SYNJ1: variants seen among roughly 807,000 people sequenced by gnomAD.
SYNJ1 encodes the protein polyphosphatidylinositol phosphatase SYNJ1.
SYNJ1 carries 78 observed loss-of-function variants against 168.2 expected under a neutral mutation model. The observed-to-expected ratio is 0.46, with a 90% confidence interval of 0.39 to 0.56. The LOEUF (loss-of-function observed/expected upper bound fraction) is 0.56. Among genes scored for constraint, SYNJ1 ranks in the 20% least tolerant of loss-of-function variants. The pLI is 0.00. For synonymous variants in SYNJ1, 539 were observed against 548.6 expected (o/e 0.98, Z 0.24); for missense variants, 1,303 against 1,597.6 (o/e 0.82, Z 3.14).
chr21:32,685,317 T>C (rs2041789995), intron 9 of SYNJ1, among the ~76,000 whole-genome samples: 2 of 150,402 alleles, frequency 1.3e-5, no homozygotes, highest in Admixed American at 6.7e-5. Flanking sequence ...ATGGGTGAGA[T>C]GGCTCATGCC....
intron 5 of SYNJ1, among the ~76,000 whole-genome samples, chr21:32,694,798 A>AT (rs1328321358): frequency 6.6e-6 from 1 of 152,204 alleles, no homozygotes; most frequent in Non-Finnish European, 1.5e-5. Context: ...TTTAAAATTC[A>AT]TTAAAATTCA....
intron 26 of SYNJ1, 146 bp from the exon 27 acceptor site, chr21:32,643,603 C>A: frequency 1.1e-5 from 9 of 792,002 alleles, no homozygotes; most frequent in Admixed American, 2.8e-5. Context: ...GATATCAATA[C>A]AAACCAAAGT....
intron 6 of SYNJ1, among the ~76,000 whole-genome samples, chr21:32,690,526 T>C (rs970050902): frequency 5.9e-5 from 9 of 152,296 alleles, no homozygotes; most frequent in Non-Finnish European, 8.8e-5. Context: ...AACAGAGCTA[T>C]TGCCAATCGT....
intron 6 of SYNJ1, among the ~76,000 whole-genome samples, chr21:32,692,954 C>T (rs1038125395): frequency 1.3e-5 from 2 of 152,072 alleles, no homozygotes; most frequent in African/African-American, 4.8e-5. Context: ...TCACTTGAGC[C>T]TGGGAGATCG....
chr21:32,640,547 G>A (rs1021233988), intron 29 of SYNJ1, among the ~76,000 whole-genome samples: 3 of 151,960 alleles, frequency 2.0e-5, no homozygotes, highest in African/African-American at 4.8e-5. Context: ...CACCCGCCTC[G>A]GCCTCCCAAA....
intron 13 of SYNJ1, among the ~76,000 whole-genome samples, chr21:32,676,018 C>G (rs1438969224): frequency 6.6e-6 from 1 of 152,062 alleles, no homozygotes; most frequent in Admixed American, 6.6e-5. Context: ...AAGAGTAAGG[C>G]ATAACACTAA....
Position 32,695,115 on chromosome 21 carries a change from A to T in SYNJ1, c.647T>A (p.Phe216Tyr). 6.2e-7 allele frequency: 1 copy of T among 1,614,152 alleles called. No homozygotes were observed. Among genetic ancestry groups the T allele is most frequent in the Non-Finnish European group, 8.5e-7 (1 of 1,180,022 alleles). ...RLSCERAGTR[F>Y]NVRGTNDDGH... ...ATCATCATTTGTTCCCCGGACATTA[A>T]ACCTGGTCCCAGCTCGTTCACAGCT... Residue 216 changes from phenylalanine to tyrosine, a missense_variant, in exon 5 of 33, where the codon TTT becomes TAT. By Grantham distance (22) the Phe-to-Tyr change is conservative. Coordinates refer to ENST00000674351, the MANE Select transcript of SYNJ1 (RefSeq NM_203446.3).
chr21:32,672,498 C>T (rs1447853323), intron 14 of SYNJ1, among the ~76,000 whole-genome samples: 2 of 152,010 alleles, frequency 1.3e-5, no homozygotes, highest in Admixed American at 6.6e-5. Flanking sequence ...CACCACCACA[C>T]CCGGCTAATT....
At chr21:32,727,812 C>A in intron 1 of SYNJ1, 134 bp downstream of exon 1, 1 of 1,456,484 alleles carries the variant, frequency 6.9e-7, no homozygotes, top group Admixed American at 2.4e-5. Flanking sequence ...CTCCCGCACC[C>A]CGGCTGCTCG....
intron 6 of SYNJ1, among the ~76,000 whole-genome samples, chr21:32,693,678 C>G (rs1431871657): frequency 1.3e-5 from 2 of 152,170 alleles, no homozygotes; most frequent in Non-Finnish European, 2.9e-5. Flanking sequence ...ATGGTGCTGA[C>G]TGGGGGCCAG....
intron 2 of SYNJ1, 31 bp downstream of exon 2, chr21:32,726,741 A>C (rs371736511): frequency 2.1e-5 from 34 of 1,611,714 alleles, no homozygotes; most frequent in Non-Finnish European, 2.6e-5. Flanking sequence ...AACAGAGACC[A>C]TGACAAATTG....
intron 4 of SYNJ1, among the ~76,000 whole-genome samples, chr21:32,699,532 AGT>A (rs770176475): frequency 1.3e-5 from 2 of 152,126 alleles, no homozygotes; most frequent in Non-Finnish European, 2.9e-5. Context: ...TCGACCACGG[AGT>A]GAGTACTGAG....
Position 32,684,898 on chromosome 21 carries a change from G to A in SYNJ1, c.1119-779C>T, listed in dbSNP as rs573282609. Among the ~76,000 whole-genome samples the A allele has an allele frequency of 2.2e-5, 3 of 135,610 alleles. No individual in the cohort carries two copies. The South Asian group carries it at 6.7e-4, about 30-fold the overall frequency. 89.0% of individuals were successfully genotyped at this position (135,610 alleles called of 152,430 possible). On this transcript the variant is annotated intron_variant, in intron 9 of 32. Coordinates refer to ENST00000674351, the MANE Select transcript of SYNJ1 (RefSeq NM_203446.3). ...TTGATACATGTTAAGACTTAAGTAC[G>A]GCCGGGCGCGGTGGCTCACGCCTGT...
At chr21:32,706,419 A>G (rs2042610601) in intron 2 of SYNJ1, among the ~76,000 whole-genome samples, 1 of 152,088 alleles carries the variant, frequency 6.6e-6, no homozygotes, top group African/African-American at 2.4e-5. Context: ...AATACATAGC[A>G]AAGTATTTGG....
At chr21:32,664,253 G>A (rs1177708702) in intron 18 of SYNJ1, among the ~76,000 whole-genome samples, 1 of 152,196 alleles carries the variant, frequency 6.6e-6, no homozygotes, top group Non-Finnish European at 1.5e-5. Flanking sequence ...CATGGGTAAT[G>A]AGGATGAAAG....
rs542458564 is a variant in SYNJ1 at position 32,665,388 on chromosome 21, G to A, written c.2146-317C>T. On this transcript the variant is annotated intron_variant, in intron 17 of 32. Transcript: ENST00000674351. ...ATTCCTTGTGGACAAAGTATAGACT[G>A]AACTCAAAGTCATCCCTCTGAGACT... 5.4e-4 allele frequency among the ~76,000 whole-genome samples: 83 copies of A among 152,308 alleles called. 1 individual carries two copies. The highest frequency in any genetic ancestry group is 3.4e-3 in the Middle Eastern group (1 of 294).
rs1463167698 is a variant in SYNJ1, at chr21:32,633,189, A to G, written c.*4-1388T>C. Among the ~76,000 whole-genome samples, 3 of 152,214 alleles carry G rather than the reference A, an allele frequency of 2.0e-5. No individual in the cohort carries two copies. In the East Asian group the frequency reaches 5.8e-4, roughly 29 times the overall value. On this transcript the variant is annotated intron_variant, in intron 32 of 32. Transcript: ENST00000674351. ...TTCTATTTGGTTTATGAAGTCTACA[A>G]CCACAATGATGTGCCTAGAGTGGTG...
At chr21:32,687,614 A>G (rs369452545) in intron 7 of SYNJ1, among the ~76,000 whole-genome samples, 1 of 152,242 alleles carries the variant, frequency 6.6e-6, no homozygotes, top group South Asian at 2.1e-4. Flanking sequence ...AAGAAGGTGC[A>G]TTTATAAACA....
At chr21:32,647,440 A>G (rs997011215) in intron 23 of SYNJ1, among the ~76,000 whole-genome samples, 2 of 152,172 alleles carry the variant, frequency 1.3e-5, no homozygotes, top group Non-Finnish European at 2.9e-5. Context: ...CCTTATGGAC[A>G]TTCGCCTTCA....
Sources: allele counts gnomAD v4.1 joint callset (sites outside exome capture counted in the v4.1 genomes callset), GRCh38; gene constraint gnomAD v4.1.1; transcripts MANE v1.5; gene names NCBI Gene and HGNC (gene_info 2026-07-23, HGNC 2026-07-21).